The following ANKH variants were observed in gnomAD, a reference collection of about 807,000 sequenced individuals.
ANKH encodes mineralization regulator ANKH.
In ANKH, 15 loss-of-function variants were observed where a neutral mutation model predicts 49.0. The ratio of observed to expected loss-of-function variants is 0.31; its 90% CI spans 0.20 to 0.47. The LOEUF (loss-of-function observed/expected upper bound fraction) is 0.47, where lower values mean the gene tolerates loss of function less well. Ranked by LOEUF, ANKH falls within the 20% of genes least tolerant of loss-of-function variation. The probability of loss-of-function intolerance (pLI) is 1.00; values close to 1 mark genes in which losing one functional copy is unlikely to be tolerated. For missense variants in ANKH, 429 were observed against 652.0 expected, an observed-to-expected ratio of 0.66 and a Z score of 3.72; for synonymous variants, 273 against 260.0, an observed-to-expected ratio of 1.05 and a Z score of -0.48.
chr5:14,771,531 C>T (rs905398031), intron 1 of ANKH, among the ~76,000 whole-genome samples: 1 of 152,148 alleles, frequency 6.6e-6, no homozygotes, highest in East Asian at 1.9e-4. Flanking sequence ...GGCTCTGGGT[C>T]GCTTCTTTGG....
intron 7 of ANKH, among the ~76,000 whole-genome samples, chr5:14,744,052 A>G (rs1440660365): frequency 1.3e-5 from 2 of 152,028 alleles, no homozygotes; most frequent in Non-Finnish European, 1.5e-5. Flanking sequence ...TTTAGCAAGA[A>G]GACATACATT....
At chr5:14,870,965 CCCACCGTCACCATTA>C (rs2126639928) in intron 1 of ANKH, 1 of 362,654 alleles carries the variant, frequency 2.8e-6, no homozygotes, top group Non-Finnish European at 5.4e-6. Context: ...ACAGAATCTC[CCCACCGTCACCATTA>C]CCACCAGCCA....
intron 1 of ANKH, among the ~76,000 whole-genome samples, chr5:14,821,431 A>G (rs986164037): frequency 8.5e-5 from 13 of 152,230 alleles, no homozygotes; most frequent in Non-Finnish European, 2.9e-5. Context: ...ATGACATAAA[A>G]TAGTTCGTAT....
intron 1 of ANKH, among the ~76,000 whole-genome samples, chr5:14,854,077 A>G (rs1304278787): frequency 1.3e-5 from 2 of 152,348 alleles, no homozygotes; most frequent in East Asian, 3.9e-4. Context: ...TGAATTTTCT[A>G]TATCACTATT....
intron 1 of ANKH, among the ~76,000 whole-genome samples, chr5:14,775,058 C>CAT (rs1554004982): frequency 1.4e-4 from 21 of 151,020 alleles, no homozygotes; most frequent in Non-Finnish European, 1.5e-5. Flanking sequence ...CATAAGTCCC[C>CAT]TTTTTTTTCT....
At chr5:14,845,899 G>A (rs1000306293) in intron 1 of ANKH, among the ~76,000 whole-genome samples, 1 of 137,130 alleles carries the variant, frequency 7.3e-6, no homozygotes, top group Non-Finnish European at 1.5e-5. Flanking sequence ...TGTTGCCCAG[G>A]CTGGAGAGTA....
At chr5:14,803,867 T>C (rs1200114765) in intron 1 of ANKH, among the ~76,000 whole-genome samples, 1 of 152,146 alleles carries the variant, frequency 6.6e-6, no homozygotes, top group African/African-American at 2.4e-5. Context: ...TGTGATCACC[T>C]TACATAGCAA....
intron 9 of ANKH, among the ~76,000 whole-genome samples, chr5:14,716,473 C>T (rs542773836): frequency 8.4e-4 from 128 of 151,846 alleles, no homozygotes; most frequent in Admixed American, 5.6e-3. Flanking sequence ...GCCTGGGTGA[C>T]GGAATGAAAC....
intron 8 of ANKH, among the ~76,000 whole-genome samples, chr5:14,735,941 T>A (rs1359087549): frequency 1.3e-5 from 2 of 150,158 alleles, no homozygotes; most frequent in African/African-American, 4.9e-5. Flanking sequence ...AGTTTCACGG[T>A]CTCCCTTTAA....
intron 1 of ANKH, among the ~76,000 whole-genome samples, chr5:14,847,752 A>G (rs545426311): frequency 6.6e-6 from 1 of 152,340 alleles, no homozygotes; most frequent in South Asian, 2.1e-4. Context: ...CTCCTACTCA[A>G]TATGGGAAGA....
At chr5:14,717,007 AC>A in intron 8 of ANKH, 172 bp from the exon 9 acceptor site, 1 of 752,746 alleles carries the variant, frequency 1.3e-6, no homozygotes, top group Non-Finnish European at 2.2e-6. Context: ...CTCTCTTCTG[AC>A]CACAGAGGCC....
chr5:14,740,834 C>T (rs1006071583), intron 8 of ANKH, among the ~76,000 whole-genome samples: 10 of 152,352 alleles, frequency 6.6e-5, no homozygotes, highest in African/African-American at 2.2e-4. Flanking sequence ...ACTCCAACAC[C>T]TTCACGGCCT....
intron 1 of ANKH, among the ~76,000 whole-genome samples, chr5:14,771,493 A>C (rs1739428032): frequency 6.6e-6 from 1 of 152,216 alleles, no homozygotes; most frequent in Non-Finnish European, 1.5e-5. Flanking sequence ...AAGTCCCCTC[A>C]GTAAACAGGG....
At position 14,713,718 on chromosome 5, in the gene ANKH, A is replaced by G. The variant is rs1270643217; in HGVS notation, c.1142-51T>C. On this transcript the variant is annotated intron_variant, in intron 9 of 11. Transcript: ENST00000284268. This position sits in a 1 kb window ranked among gnomAD's most constrained non-coding sequence, Gnocchi z 4.4. ...CAGCCGTGCCCGCCATCCACTCCCC[A>G]TCCTGCTGCCTCTGGACCAGGGCAG... is the stretch of plus-strand genomic sequence containing the variant. 1 of 1,611,464 alleles carries G rather than the reference A, an allele frequency of 6.2e-7. No homozygotes were observed. Among genetic ancestry groups the G allele is most frequent in the East Asian group, 2.2e-5 (1 of 44,882 alleles).
chr5:14,764,097 A>AAATAAATAAATAAATAAATAAAT (rs1561044514), intron 2 of ANKH, among the ~76,000 whole-genome samples: 3,446 of 78,000 alleles, frequency 0.044, 141 homozygotes, highest in African/African-American at 0.14. Context: ...AATAAATAAA[A>AAATAAATAAATAAATAAATAAAT]ATAAAAAAAG....
intron 1 of ANKH, among the ~76,000 whole-genome samples, chr5:14,807,361 C>T (rs780705754): frequency 2.6e-5 from 4 of 152,020 alleles, no homozygotes; most frequent in Non-Finnish European, 5.9e-5. Context: ...ATGATCCACC[C>T]GCCTTGGCCT....
intron 7 of ANKH, among the ~76,000 whole-genome samples, chr5:14,742,833 G>A (rs1409791258): frequency 2.6e-5 from 4 of 152,352 alleles, no homozygotes; most frequent in Non-Finnish European, 5.9e-5. Context: ...GGCGCCTGCC[G>A]AGGCTCTCCA....
intron 1 of ANKH, chr5:14,797,517 T>C: frequency 6.2e-7 from 1 of 1,611,242 alleles, no homozygotes. Context: ...AACAGTCTTG[T>C]CAGCTGATCC....
chr5:14,755,746 A>G (rs1426338244), intron 4 of ANKH, 115 bp downstream of exon 4: 1 of 983,360 alleles, frequency 1.0e-6, no homozygotes, highest in Non-Finnish European at 1.6e-6. Context: ...GGTGCTGGCA[A>G]AACCAGGTCG....
Sources: allele counts gnomAD v4.1 joint callset (sites outside exome capture counted in the v4.1 genomes callset), GRCh38; gene constraint gnomAD v4.1.1; non-coding constraint Gnocchi (gnomAD v3.1); transcripts MANE v1.5; gene names NCBI Gene and HGNC (gene_info 2026-07-23, HGNC 2026-07-21).